RCAN1: variants seen among roughly 807,000 people sequenced by gnomAD.
The protein encoded by RCAN1 is regulator of calcineurin 1, also known as calcipressin-1.
A neutral mutation model predicts 22.9 loss-of-function variants in RCAN1; 11 were observed. The observed-to-expected ratio is 0.48, with a 90% confidence interval of 0.30 to 0.79. The LOEUF (loss-of-function observed/expected upper bound fraction) is 0.79. Among genes scored for constraint, RCAN1 ranks in the 30% least tolerant of loss-of-function variants. The pLI is 0.06. For synonymous variants in RCAN1, 136 were observed against 142.3 expected (o/e 0.96, Z 0.32); for missense variants, 291 against 337.8 (o/e 0.86, Z 1.09).
intron 1 of RCAN1, among the ~76,000 whole-genome samples, chr21:34,544,135 CTAT>C (rs1986035190): frequency 2.0e-5 from 3 of 152,236 alleles, no homozygotes; most frequent in Non-Finnish European, 4.4e-5. Context: ...CTTGCCCTAC[CTAT>C]TGTGGTAGGC....
chr21:34,587,612 T>A (rs1389951369), intron 1 of RCAN1, among the ~76,000 whole-genome samples: 1 of 152,164 alleles, frequency 6.6e-6, no homozygotes, highest in Non-Finnish European at 1.5e-5. Flanking sequence ...TGAATATATA[T>A]ATGTTAAAAT....
At chr21:34,527,427 G>A (rs1247701266) in intron 1 of RCAN1, among the ~76,000 whole-genome samples, 1 of 152,168 alleles carries the variant, frequency 6.6e-6, no homozygotes, top group African/African-American at 2.4e-5. Flanking sequence ...TTGAAGTGTA[G>A]TTAAAATTTT....
chr21:34,522,572 T>C (rs1984655563), intron 2 of RCAN1: 1 of 152,110 alleles, frequency 6.6e-6, no homozygotes, highest in African/African-American at 2.4e-5. Flanking sequence ...TTATTTATAC[T>C]TGAAGGGCCC....
chr21:34,518,298 T>C lies in RCAN1; in HGVS notation c.587-42A>G. On this transcript the variant is annotated intron_variant, in intron 3 of 3. Transcript: ENST00000313806. This position sits in a 1 kb window ranked among gnomAD's most constrained non-coding sequence, Gnocchi z 4.2. Reference sequence around the variant, plus strand: ...ATCGCAGGGTCACTCAGACAAGTCCTTGGGAGTCAAAAGGCAAACATAAAA... The same window carrying C: ...ATCGCAGGGTCACTCAGACAAGTCCCTGGGAGTCAAAAGGCAAACATAAAA... 1 of 1,600,310 alleles carries C rather than the reference T, an allele frequency of 6.2e-7. No individual in the cohort carries two copies. Among genetic ancestry groups the C allele is most frequent in the Non-Finnish European group, 8.5e-7 (1 of 1,171,862 alleles).
chr21:34,533,105 T>C (rs6650815), intron 1 of RCAN1, among the ~76,000 whole-genome samples: 102,719 of 149,752 alleles, frequency 0.69, 35,539 homozygotes, highest in East Asian at 0.81. Flanking sequence ...GGACTACAGG[T>C]GCCCGCCACC....
At chr21:34,576,498 A>G (rs1346756871) in intron 1 of RCAN1, among the ~76,000 whole-genome samples, 2 of 152,140 alleles carry the variant, frequency 1.3e-5, no homozygotes, top group African/African-American at 2.4e-5. Context: ...GCTTGATGGT[A>G]TTTTTCCCTT....
intron 1 of RCAN1, among the ~76,000 whole-genome samples, chr21:34,570,236 A>T (rs190472251): frequency 7.0e-4 from 106 of 152,364 alleles, no homozygotes; most frequent in Admixed American, 3.9e-3. Flanking sequence ...AGAGGTTAAA[A>T]ACTGTTATAG....
intron 1 of RCAN1, among the ~76,000 whole-genome samples, chr21:34,571,960 G>A (rs1601187715): frequency 6.6e-6 from 1 of 152,148 alleles, no homozygotes; most frequent in South Asian, 2.1e-4. Context: ...ATCACCACTA[G>A]TGTAATTGGT....
At chr21:34,566,934 G>A (rs1434388643) in intron 1 of RCAN1, among the ~76,000 whole-genome samples, 4 of 152,046 alleles carry the variant, frequency 2.6e-5, no homozygotes, top group East Asian at 3.9e-4. Context: ...GCACCCAGCC[G>A]TTCATGAGGG....
intron 1 of RCAN1, among the ~76,000 whole-genome samples, chr21:34,555,578 A>T: frequency 6.6e-6 from 1 of 150,906 alleles, no homozygotes; most frequent in Middle Eastern, 3.4e-3. Context: ...TCTCAAAAAA[A>T]AAAATAAATA....
chr21:34,547,635 GA>G (rs1986201834), intron 1 of RCAN1, among the ~76,000 whole-genome samples: 2 of 152,180 alleles, frequency 1.3e-5, no homozygotes, highest in African/African-American at 2.4e-5. Flanking sequence ...AGGAGGCCAC[GA>G]GGGCAGAGCC....
At chr21:34,556,429 A>AATAATAATAAT (rs1555861219) in intron 1 of RCAN1, among the ~76,000 whole-genome samples, 1 of 145,540 alleles carries the variant, frequency 6.9e-6, no homozygotes, top group Non-Finnish European at 1.5e-5. Flanking sequence ...TTGTCTCAAA[A>AATAATAATAAT]AATAATAATA....
chr21:34,611,513 T>C (rs1988687324), intron 1 of RCAN1, among the ~76,000 whole-genome samples: 1 of 152,232 alleles, frequency 6.6e-6, no homozygotes, highest in Non-Finnish European at 1.5e-5. Flanking sequence ...TAATTTTTTT[T>C]CTTTCCTTGA....
At chr21:34,550,627 T>C (rs1217030262) in intron 1 of RCAN1, among the ~76,000 whole-genome samples, 1 of 152,186 alleles carries the variant, frequency 6.6e-6, no homozygotes. Flanking sequence ...TCCAGGATTG[T>C]GAAACAACAC....
intron 1 of RCAN1, among the ~76,000 whole-genome samples, chr21:34,541,700 C>T (rs192171808): frequency 6.6e-6 from 1 of 152,260 alleles, no homozygotes; most frequent in Admixed American, 6.5e-5. Context: ...TTTGGGAGGC[C>T]GAGGTGGGTG....
chr21:34,518,923 A>C lies in RCAN1; in HGVS notation c.587-667T>G, dbSNP rs533423050. On this transcript the variant is annotated intron_variant, in intron 3 of 3. Coordinates refer to ENST00000313806, the MANE Select transcript of RCAN1 (RefSeq NM_004414.7). This position sits in a 1 kb window ranked among gnomAD's most constrained non-coding sequence, Gnocchi z 4.2. ...AGCAAGGGTGGGGAGAGCTTTCTGC[A>C]ACTGAAAAACCCGGCAATGTAGAAT... Among the ~76,000 whole-genome samples, 1 of 152,318 alleles carries C rather than the reference A, an allele frequency of 6.6e-6. No homozygotes were observed. The highest frequency in any genetic ancestry group is 1.9e-4 in the East Asian group (1 of 5,190).
intron 1 of RCAN1, among the ~76,000 whole-genome samples, chr21:34,585,675 G>A (rs560442491): frequency 1.8e-3 from 274 of 149,610 alleles, no homozygotes; most frequent in South Asian, 4.7e-3. Flanking sequence ...CCCAGGAGGC[G>A]GAGCTTGCAG....
intron 1 of RCAN1, chr21:34,527,029 A>C (rs1985109466): frequency 8.6e-7 from 1 of 1,160,352 alleles, no homozygotes; most frequent in African/African-American, 1.6e-5. Flanking sequence ...TCCCTATGCT[A>C]ATTAACTTTG....
chr21:34,610,061 C>T (rs1024482073), intron 1 of RCAN1, among the ~76,000 whole-genome samples: 18 of 152,150 alleles, frequency 1.2e-4, no homozygotes, highest in Admixed American at 9.2e-4. Flanking sequence ...TGAAAATGGC[C>T]TAAAACTGCC....
Sources: gnomAD v4.1 joint callset for allele counts (sites outside exome capture counted in the v4.1 genomes callset) on GRCh38, gnomAD v4.1.1 for gene constraint, Gnocchi (gnomAD v3.1) non-coding constraint, MANE v1.5 for transcripts, NCBI Gene and HGNC (gene_info 2026-07-23, HGNC 2026-07-21) for gene names.